The following SH3GLB1 variants were observed in gnomAD, a reference collection of about 807,000 sequenced individuals.
SH3GLB1 encodes SH3 domain containing GRB2 like, endophilin B1.
A neutral mutation model predicts 42.0 loss-of-function variants in SH3GLB1; 17 were observed. That is an observed-to-expected ratio of 0.40 (90% CI 0.28 to 0.61). SH3GLB1 has a LOEUF of 0.61. Ranked by LOEUF, SH3GLB1 falls within the 20% of genes least tolerant of loss-of-function variation. The pLI is 0.36. For missense variants in SH3GLB1, 355 were observed against 426.3 expected, an observed-to-expected ratio of 0.83 and a Z score of 1.47; for synonymous variants, 132 against 146.6, an observed-to-expected ratio of 0.90 and a Z score of 0.72.
intron 7 of SH3GLB1, among the ~76,000 whole-genome samples, chr1:86,740,298 A>G (rs1172065893): frequency 3.3e-5 from 5 of 152,226 alleles, no homozygotes; most frequent in African/African-American, 1.2e-4. Context: ...AGGGGAATGA[A>G]AGTGAAAGTG....
intron 1 of SH3GLB1, among the ~76,000 whole-genome samples, chr1:86,707,836 TG>T (rs554051799): frequency 5.7e-4 from 86 of 152,112 alleles, no homozygotes; most frequent in African/African-American, 2.0e-3. Context: ...TTAGTAGAGA[TG>T]GGGTTTCACC....
rs1656283737 is a variant in SH3GLB1 at position 86,746,051 on chromosome 1, T to C, written c.*2816T>C. ...TTATGGTGCTAATCAGAAAAATTGATGTTGCAAGAAATGAGGTCTCAAAAA... is the reference window on the plus strand; with the variant it reads ...TTATGGTGCTAATCAGAAAAATTGACGTTGCAAGAAATGAGGTCTCAAAAA... On this transcript the variant is annotated 3_prime_UTR_variant, in exon 9 of 9. Coordinates refer to ENST00000370558, the MANE Select transcript of SH3GLB1 (RefSeq NM_016009.5). 6.6e-6 allele frequency: 1 copy of C among 152,638 alleles called. No individual in the cohort carries two copies. Among genetic ancestry groups the C allele is most frequent in the African/African-American group, 2.4e-5 (1 of 41,440 alleles). 9.5% of individuals were successfully genotyped at this position (152,638 alleles called of 1,614,324 possible).
intron 5 of SH3GLB1, among the ~76,000 whole-genome samples, chr1:86,727,452 T>C (rs1202115452): frequency 6.6e-6 from 1 of 151,902 alleles, no homozygotes; most frequent in African/African-American, 2.4e-5. Context: ...AAACCTGAAA[T>C]CTGAAATGCT....
At chr1:86,717,219 A>T (rs148730748) in intron 2 of SH3GLB1, among the ~76,000 whole-genome samples, 342 of 152,324 alleles carry the variant, frequency 2.2e-3, no homozygotes, top group Admixed American at 4.3e-3. Context: ...AGGCCATTTA[A>T]ATTCTACACT....
At chr1:86,706,003 A>G (rs1402052872) in intron 1 of SH3GLB1, among the ~76,000 whole-genome samples, 3 of 152,240 alleles carry the variant, frequency 2.0e-5, no homozygotes, top group Admixed American at 1.3e-4. Flanking sequence ...ACATTGCACT[A>G]TCCCTGGCAA....
chr1:86,728,382 GTC>G, intron 5 of SH3GLB1: 1 of 1,401,904 alleles, frequency 7.1e-7, no homozygotes, highest in Non-Finnish European at 9.9e-7. Context: ...TGTGTTCTTT[GTC>G]TCTTACTATG....
At chr1:86,720,109 TATTTA>T (rs2101938404) in intron 3 of SH3GLB1, among the ~76,000 whole-genome samples, 1 of 151,986 alleles carries the variant, frequency 6.6e-6, no homozygotes, top group Non-Finnish European at 1.5e-5. Flanking sequence ...TTAAATGTAA[TATTTA>T]ATATATTCAA....
Position 86,745,661 on chromosome 1 carries a change from A to G in SH3GLB1, c.*2426A>G, listed in dbSNP as rs1309995331. The G allele has an allele frequency of 1.3e-5, 2 of 152,044 alleles. No homozygotes were observed. The highest frequency in any genetic ancestry group is 2.4e-5 in the African/African-American group (1 of 41,372). 9.4% of individuals were successfully genotyped at this position (152,044 alleles called of 1,614,324 possible). A position where few individuals can be genotyped will look rare whatever the true frequency, so the allele number is the denominator to read the frequency against. On this transcript the variant is annotated 3_prime_UTR_variant, in exon 9 of 9. Transcript: ENST00000370558. ...GTCTACCACAGAACCACCACAATAT[A>G]TATGCTTGTTCTTAGGTTTATTGCT...
intron 5 of SH3GLB1, chr1:86,730,298 A>G (rs1655434711): frequency 9.1e-6 from 9 of 985,274 alleles, no homozygotes; most frequent in South Asian, 4.7e-5. Flanking sequence ...CAGTTGAACA[A>G]TGCTGCAGAG....
intron 2 of SH3GLB1, among the ~76,000 whole-genome samples, chr1:86,718,229 A>G (rs1033237446): frequency 6.6e-6 from 1 of 151,760 alleles, no homozygotes; most frequent in African/African-American, 2.4e-5. Flanking sequence ...TTTTTTTAGT[A>G]GAGACGGGGT....
rs1380695938 is a variant in SH3GLB1, at chr1:86,744,278, A to G, written c.*1043A>G. On this transcript the variant is annotated 3_prime_UTR_variant, in exon 9 of 9. Coordinates refer to ENST00000370558, the MANE Select transcript of SH3GLB1 (RefSeq NM_016009.5). ...GCTGTTGGGGCCATTGCTATAAATC[A>G]TTGTTTCCATGTTAAGACTTCTGTT... 6.6e-6 allele frequency: 1 copy of G among 152,188 alleles called. No homozygotes were observed. Among genetic ancestry groups the G allele is most frequent in the Admixed American group, 6.5e-5 (1 of 15,280 alleles). The allele number at this position is 152,188 out of a possible 1,614,324, so 9.4% of individuals were successfully genotyped here.
intron 7 of SH3GLB1, among the ~76,000 whole-genome samples, chr1:86,741,567 A>G (rs1219701417): frequency 6.6e-6 from 1 of 152,324 alleles, no homozygotes; most frequent in East Asian, 1.9e-4. Context: ...TGAGTCTTCA[A>G]TTTCATTGAG....
chr1:86,740,668 G>T (rs560333696), intron 7 of SH3GLB1, among the ~76,000 whole-genome samples: 25 of 152,254 alleles, frequency 1.6e-4, no homozygotes, highest in Admixed American at 1.4e-3. Context: ...TACTGGAATT[G>T]GTAAGATCTA....
chr1:86,730,497 C>A, intron 5 of SH3GLB1: 9 of 601,052 alleles, frequency 1.5e-5, no homozygotes, highest in Non-Finnish European at 1.9e-5. Context: ...ATATTTCGCA[C>A]AAATGAATTT....
Position 86,719,649 on chromosome 1 carries a change from A to C in SH3GLB1, c.343+14A>C, listed in dbSNP as rs577054604. On this transcript the variant is annotated intron_variant, in intron 3 of 8. Coordinates refer to ENST00000370558, the MANE Select transcript of SH3GLB1 (RefSeq NM_016009.5). ...GAACAGCTTATGGTAAGTGAAATGC[A>C]AAAAGTTCTAATAAGGGATATCTTT... 1.9e-6 allele frequency: 3 copies of C among 1,600,990 alleles called. No individual in the cohort carries two copies. In the African/African-American group the frequency reaches 4.1e-5, roughly 22 times the overall value.
rs183218428 is a variant in SH3GLB1, at chr1:86,722,269, A to G, written c.344-271A>G. Among the ~76,000 whole-genome samples, 76 of 151,746 alleles carry G rather than the reference A, an allele frequency of 5.0e-4. No homozygotes were observed. The East Asian group carries it at 0.012, about 25-fold the overall frequency. ...ACTGTGACCGTAAATATTTTGGGGT[A>G]TATTTGCCCTCTTTAGTCCCATTGG... is the stretch of plus-strand genomic sequence containing the variant. On this transcript the variant is annotated intron_variant, in intron 3 of 8. Transcript: ENST00000370558.
intron 1 of SH3GLB1, among the ~76,000 whole-genome samples, chr1:86,715,150 C>T (rs1654435908): frequency 6.6e-6 from 1 of 152,106 alleles, no homozygotes. Flanking sequence ...GCTAATAAGA[C>T]ATAAACCACA....
At chr1:86,734,394 G>T in intron 5 of SH3GLB1, 1 of 482,060 alleles carries the variant, frequency 2.1e-6, no homozygotes, top group South Asian at 3.1e-5. Context: ...TTTCAATCAA[G>T]TACTGGAATC....
Sources: allele counts gnomAD v4.1 joint callset (sites outside exome capture counted in the v4.1 genomes callset), GRCh38; gene constraint gnomAD v4.1.1; transcripts MANE v1.5; gene names NCBI Gene and HGNC (gene_info 2026-07-23, HGNC 2026-07-21).